The following SLC25A22 variants were observed in gnomAD, a reference collection of about 807,000 sequenced individuals.
The protein encoded by SLC25A22 is solute carrier family 25 member 22, also known as mitochondrial glutamate carrier 1.
In SLC25A22, 23 loss-of-function variants were observed where a neutral mutation model predicts 33.7. That is an observed-to-expected ratio of 0.68 (90% CI 0.49 to 0.97). SLC25A22 has a LOEUF of 0.97. Ranked by LOEUF, SLC25A22 falls within the 50% of genes least tolerant of loss-of-function variation. The probability of loss-of-function intolerance (pLI) is 0.00; values close to 1 mark genes in which losing one functional copy is unlikely to be tolerated. For missense variants in SLC25A22, 390 were observed against 451.1 expected (o/e 0.86, Z 1.23); for synonymous variants, 245 against 203.8 (o/e 1.20, Z -1.72).
Position 792,395 on chromosome 11 carries a change from C to A in SLC25A22, c.651G>T (p.Pro217=). The change falls in exon 8 of 10, where the codon CCG becomes CCT. Residue 217 remains proline, a synonymous_variant. Transcript: ENST00000628067. ...AGAAAGGCGACTTCTCCTCGGACGCCGGGCGGCCCAGCTGGTTCAGGTTGG... is the reference window on the plus strand; with the variant it reads ...AGAAAGGCGACTTCTCCTCGGACGCAGGGCGGCCCAGCTGGTTCAGGTTGG... ...LFANLNQLGR[P]ASEEKSPFYV... 1 of 1,613,300 alleles carries A rather than the reference C, an allele frequency of 6.2e-7. No homozygotes were observed. The highest frequency in any genetic ancestry group is 1.1e-5 in the South Asian group (1 of 91,084).
chr11:794,307 C>G (rs993503653), intron 4 of SLC25A22, 151 bp downstream of exon 4: 43 of 917,912 alleles, frequency 4.7e-5, no homozygotes, highest in Admixed American at 4.0e-5. Context: ...TCCAGTCCCC[C>G]CTGCACAGGC....
Position 791,064 on chromosome 11 carries a change from C to G in SLC25A22, c.*851G>C, listed in dbSNP as rs1401089548. On this transcript the variant is annotated 3_prime_UTR_variant, in exon 10 of 10. Transcript: ENST00000628067. Reference sequence around the variant, plus strand: ...GGTGGAGGACTCAGGAGAGACCAAGCTGGGTAAGTTAGTTCCTGGACGGGG... The same window carrying G: ...GGTGGAGGACTCAGGAGAGACCAAGGTGGGTAAGTTAGTTCCTGGACGGGG... 6.6e-6 allele frequency: 1 copy of G among 152,452 alleles called. No homozygotes were observed. The highest frequency in any genetic ancestry group is 2.4e-5 in the African/African-American group (1 of 41,442). 9.4% of individuals were successfully genotyped at this position (152,452 alleles called of 1,614,324 possible).
At chr11:795,248 G>A (rs1455941370) in intron 1 of SLC25A22, 79 bp from the exon 2 acceptor site, 2 of 645,332 alleles carry the variant, frequency 3.1e-6, no homozygotes, top group South Asian at 1.7e-5. Context: ...CCTCTCTCAC[G>A]CAGCCCCTCA....
rs372352469 is a variant in SLC25A22 at position 794,544 on chromosome 11, C to T, written c.147-31G>A. 52 of 1,607,832 alleles carry T rather than the reference C, an allele frequency of 3.2e-5. No homozygotes were observed. In the African/African-American group the frequency reaches 5.9e-4, roughly 18 times the overall value. ...GCCAAGGGGACAGGGTGAGCCAGGGCCAGCTGGGGCCAGCCGGAGGCCAGG... is the reference window on the plus strand; with the variant it reads ...GCCAAGGGGACAGGGTGAGCCAGGGTCAGCTGGGGCCAGCCGGAGGCCAGG... On this transcript the variant is annotated intron_variant, in intron 3 of 9. Coordinates refer to ENST00000628067, the MANE Select transcript of SLC25A22 (RefSeq NM_001191061.2).
Position 790,802 on chromosome 11 carries a change from T to C in SLC25A22, c.*1113A>G, listed in dbSNP as rs1343701703. 6.6e-6 allele frequency: 1 copy of C among 152,480 alleles called. No individual in the cohort carries two copies. Among genetic ancestry groups the C allele is most frequent in the Non-Finnish European group, 1.5e-5 (1 of 68,300 alleles). 9.4% of individuals were successfully genotyped at this position (152,480 alleles called of 1,614,324 possible). On this transcript the variant is annotated 3_prime_UTR_variant, in exon 10 of 10. Coordinates refer to ENST00000628067, the MANE Select transcript of SLC25A22 (RefSeq NM_001191061.2). ...TCGGCTCACAGCAGGGATCGCCCGG[T>C]GGCAGGGGGGATGGGGCTTCTGAAG...
intron 1 of SLC25A22, chr11:795,510 T>G: frequency 3.1e-6 from 1 of 326,344 alleles, no homozygotes; most frequent in Non-Finnish European, 6.1e-6. Context: ...CCAGGGTGCC[T>G]ACCGGAGCAC....
chr11:794,942 G>C, intron 2 of SLC25A22, 41 bp from the exon 3 acceptor site: 2 of 1,562,956 alleles, frequency 1.3e-6, no homozygotes, highest in Non-Finnish European at 1.7e-6. Flanking sequence ...CCTTGACCAT[G>C]GGTCAGGGTG....
intron 4 of SLC25A22, 192 bp downstream of exon 4, chr11:794,266 G>C: frequency 1.3e-6 from 1 of 744,902 alleles, no homozygotes; most frequent in Admixed American, 2.0e-5. Flanking sequence ...AGCTGCCACG[G>C]GAGAGGCTGA....
chr11:798,217 C>T lies in SLC25A22; in HGVS notation c.-164G>A. On this transcript the variant is annotated splice_region_variant and 5_prime_UTR_variant, in exon 1 of 10. Transcript: ENST00000628067. ...AGGGAGCCGCCGGGCAGACACTCACCACGCTCGCCGCCGCCGCCGCGCTCG... is the reference window on the plus strand; with the variant it reads ...AGGGAGCCGCCGGGCAGACACTCACTACGCTCGCCGCCGCCGCCGCGCTCG... The T allele has an allele frequency of 2.5e-6, 1 of 396,536 alleles. No homozygotes were observed. Among genetic ancestry groups the T allele is most frequent in the Non-Finnish European group, 4.4e-6 (1 of 224,870 alleles). The allele number at this position is 396,536 out of a possible 1,614,324, so 24.6% of individuals were successfully genotyped here.
At chr11:795,231 C>G (rs924713063) in intron 1 of SLC25A22, 62 bp from the exon 2 acceptor site, 2 of 660,766 alleles carry the variant, frequency 3.0e-6, no homozygotes, top group East Asian at 5.4e-5. Flanking sequence ...AATCCTCCCC[C>G]AGCCTCCCTC....
intron 1 of SLC25A22, chr11:797,977 C>A (rs1864924553): frequency 2.5e-6 from 1 of 398,432 alleles, no homozygotes; most frequent in Non-Finnish European, 4.4e-6. Flanking sequence ...CGGACACCCA[C>A]CCTCGGGGAC....
intron 1 of SLC25A22, 91 bp from the exon 2 acceptor site, chr11:795,260 C>T (rs921765293): frequency 9.5e-6 from 6 of 634,786 alleles, no homozygotes; most frequent in African/African-American, 3.6e-5. Flanking sequence ...AGCCCCTCAC[C>T]CACCACCCCA....
chr11:794,659 C>A, intron 3 of SLC25A22, 117 bp downstream of exon 3: 1 of 1,529,582 alleles, frequency 6.5e-7, no homozygotes. Context: ...CTCCCCTAGG[C>A]CCGCCTGCCT....
intron 4 of SLC25A22, chr11:793,821 C>T (rs2133707651): frequency 8.2e-6 from 5 of 609,618 alleles, no homozygotes; most frequent in Non-Finnish European, 1.5e-5. Context: ...GGCTCAGGCT[C>T]TCCCATGCCC....
rs192930042 is a variant in SLC25A22 at position 795,034 on chromosome 11, C to T, written c.-28G>A. The T allele has an allele frequency of 2.6e-5, 41 of 1,551,190 alleles. No individual in the cohort carries two copies. The highest frequency in any genetic ancestry group is 8.3e-5 in the South Asian group (7 of 84,112). On this transcript the variant is annotated 5_prime_UTR_variant, in exon 2 of 10. Transcript: ENST00000628067. Reference sequence around the variant, plus strand: ...AACTCGATTGCACCCAGGTAGGAGCCGCAGAGGTGGACGCCAGGCCAGGCG... The same window carrying T: ...AACTCGATTGCACCCAGGTAGGAGCTGCAGAGGTGGACGCCAGGCCAGGCG...
chr11:791,508 T>G lies in SLC25A22; in HGVS notation c.*407A>C. ...GGGTCCAGCAGATTCAATAAATAGG[T>G]TTGTGTGGGGTGCCTGTGTGGGCCA... On this transcript the variant is annotated 3_prime_UTR_variant, in exon 10 of 10. Transcript: ENST00000628067. 2 of 252,868 alleles carry G rather than the reference T, an allele frequency of 7.9e-6. No homozygotes were observed. The highest frequency in any genetic ancestry group is 1.6e-5 in the Non-Finnish European group (2 of 128,698). 15.7% of individuals were successfully genotyped at this position (252,868 alleles called of 1,614,324 possible).
rs374216522 is a variant in SLC25A22, at chr11:792,599, G to A, written c.541C>T (p.Arg181Cys). The A allele has an allele frequency of 1.3e-5, 21 of 1,610,756 alleles. No homozygotes were observed. In the African/African-American group the frequency reaches 1.7e-4, roughly 13 times the overall value. The part of the protein sequence containing the change: ...TQLTRDLLRS[R>C]GIAGLYKGLG... ...CCCTTGTAGAGACCGGCAATGCCACGGCTCCGCAGCAGGTCGCGGGTCAGC... is the reference window on the plus strand; with the variant it reads ...CCCTTGTAGAGACCGGCAATGCCACAGCTCCGCAGCAGGTCGCGGGTCAGC... Residue 181 changes from arginine (R) to cysteine (C), a missense_variant, in exon 7 of 10, where the codon CGT becomes TGT. Arg to Cys is a radical substitution (Grantham distance 180, BLOSUM62 -3). Transcript: ENST00000628067.
At chr11:792,819 C>T in intron 6 of SLC25A22, 51 bp downstream of exon 6, 1 of 1,571,494 alleles carries the variant, frequency 6.4e-7, no homozygotes. Flanking sequence ...TCCCCTCGCC[C>T]TCACCTCTTC....
At chr11:794,115 C>G in intron 4 of SLC25A22, 1 of 589,958 alleles carries the variant, frequency 1.7e-6, no homozygotes, top group African/African-American at 1.8e-5. Context: ...AGCTGCTTTG[C>G]GGTAATGCCC....
Sources: gnomAD v4.1 joint callset for allele counts on GRCh38, gnomAD v4.1.1 for gene constraint, MANE v1.5 for transcripts, NCBI Gene and HGNC (gene_info 2026-07-23, HGNC 2026-07-21) for gene names.